The following NAALADL2 variants were observed in gnomAD, a reference collection of about 807,000 sequenced individuals.
NAALADL2 encodes the protein inactive N-acetylated-alpha-linked acidic dipeptidase-like protein 2.
A neutral mutation model predicts 87.2 loss-of-function variants in NAALADL2; 76 were observed. The observed-to-expected ratio is 0.87, with a 90% CI of 0.72 to 1.05. The LOEUF (loss-of-function observed/expected upper bound fraction) is 1.05, where lower values mean the gene tolerates loss of function less well. Among genes scored for constraint, NAALADL2 ranks in the 50% least tolerant of loss-of-function variants. The pLI is 0.00. For synonymous variants in NAALADL2, 354 were observed against 331.0 expected, an observed-to-expected ratio of 1.07 and a Z score of -0.75; for missense variants, 1,089 against 945.8, an observed-to-expected ratio of 1.15 and a Z score of -1.99.
intron 9 of NAALADL2, among the ~76,000 whole-genome samples, chr3:175,548,803 T>G (rs955161742): frequency 1.3e-5 from 2 of 151,984 alleles, no homozygotes; most frequent in African/African-American, 4.8e-5. Context: ...AATTGAAATA[T>G]GAATATACAG....
chr3:175,370,091 T>C lies in NAALADL2; in HGVS notation c.1090+45766T>C, dbSNP rs141251910. 2.7e-3 allele frequency among the ~76,000 whole-genome samples: 418 copies of C among 152,234 alleles called. 2 individuals carry two copies. The highest frequency in any genetic ancestry group is 9.7e-3 in the African/African-American group (403 of 41,520). ...TGCCACTGGACAAAGTAAGCCTTACTACAAAGGATAAAAGAATGATTATTT... is the reference window on the plus strand; with the variant it reads ...TGCCACTGGACAAAGTAAGCCTTACCACAAAGGATAAAAGAATGATTATTT... On this transcript the variant is annotated intron_variant, in intron 5 of 13. Transcript: ENST00000454872.
At chr3:174,487,770 A>G (rs888948170) in intron 1 of NAALADL2, among the ~76,000 whole-genome samples, 6 of 151,694 alleles carry the variant, frequency 4.0e-5, no homozygotes, top group Admixed American at 2.0e-4. Context: ...CTAGAATGGG[A>G]AGCAATGGCT....
intron 2 of NAALADL2, among the ~76,000 whole-genome samples, chr3:175,198,789 T>A (rs1580886114): frequency 1.8e-5 from 1 of 55,902 alleles, no homozygotes; most frequent in Non-Finnish European, 5.3e-5. Flanking sequence ...TAAGGGCAGA[T>A]TTTTTTTTTT....
At chr3:174,775,025 G>C (rs514058) in intron 3 of NAALADL2, among the ~76,000 whole-genome samples, 80,698 of 151,784 alleles carry the variant, frequency 0.53, 21,813 homozygotes, top group Middle Eastern at 0.64. Flanking sequence ...ACATGTCTTC[G>C]CACAGTTCCT....
chr3:175,412,268 C>T (rs1713678560), intron 5 of NAALADL2, among the ~76,000 whole-genome samples: 1 of 152,156 alleles, frequency 6.6e-6, no homozygotes, highest in Non-Finnish European at 1.5e-5. Flanking sequence ...TGTGCACGTG[C>T]ACGCGTATAG....
chr3:174,640,394 G>A (rs899082416), intron 2 of NAALADL2, among the ~76,000 whole-genome samples: 2 of 152,194 alleles, frequency 1.3e-5, no homozygotes, highest in Non-Finnish European at 2.9e-5. Flanking sequence ...CTAATCTCCA[G>A]CTGTCTATGA....
At chr3:175,163,163 T>C (rs1451505640) in intron 2 of NAALADL2, among the ~76,000 whole-genome samples, 2 of 152,088 alleles carry the variant, frequency 1.3e-5, no homozygotes, top group Non-Finnish European at 2.9e-5. Flanking sequence ...TGAAATGAAG[T>C]TGATGTTGCA....
At chr3:175,227,558 T>C (rs917564486) in intron 2 of NAALADL2, among the ~76,000 whole-genome samples, 1 of 152,060 alleles carries the variant, frequency 6.6e-6, no homozygotes, top group African/African-American at 2.4e-5. Flanking sequence ...TATATTGCAG[T>C]TAATTCTTTA....
chr3:174,918,894 G>T (rs1366606725), intron 1 of NAALADL2, among the ~76,000 whole-genome samples: 2 of 151,534 alleles, frequency 1.3e-5, no homozygotes, highest in Non-Finnish European at 2.9e-5. Context: ...ACCCTATCTG[G>T]CAATTTAATA....
At chr3:175,405,748 G>A (rs1163671010) in intron 5 of NAALADL2, among the ~76,000 whole-genome samples, 1 of 152,064 alleles carries the variant, frequency 6.6e-6, no homozygotes, top group Admixed American at 6.6e-5. Flanking sequence ...CAGGCCTTGT[G>A]TTACATTGTT....
chr3:174,726,817 C>T (rs1158327450), intron 2 of NAALADL2, among the ~76,000 whole-genome samples: 8 of 152,064 alleles, frequency 5.3e-5, no homozygotes, highest in African/African-American at 1.2e-4. Context: ...TGTGTTCACG[C>T]GTTTCCACTG....
chr3:175,377,338 A>G (rs548195442), intron 5 of NAALADL2, among the ~76,000 whole-genome samples: 75 of 152,140 alleles, frequency 4.9e-4, no homozygotes, highest in Non-Finnish European at 7.1e-4. Flanking sequence ...AAATCATCAA[A>G]TTTGTTTATA....
At chr3:174,700,359 A>T (rs1729438374) in intron 2 of NAALADL2, among the ~76,000 whole-genome samples, 1 of 152,068 alleles carries the variant, frequency 6.6e-6, no homozygotes, top group South Asian at 2.1e-4. Context: ...TTTATATTTC[A>T]TGTGAAATAT....
chr3:175,588,152 C>G (rs1183749579), intron 10 of NAALADL2, among the ~76,000 whole-genome samples: 1 of 151,798 alleles, frequency 6.6e-6, no homozygotes, highest in African/African-American at 2.4e-5. Context: ...GACAGTAACG[C>G]CTGGTAGGAA....
intron 2 of NAALADL2, among the ~76,000 whole-genome samples, chr3:175,102,217 T>C (rs1206921252): frequency 6.6e-6 from 1 of 152,168 alleles, no homozygotes; most frequent in African/African-American, 2.4e-5. Flanking sequence ...TGTACATAAA[T>C]CCAATTGTGC....
At chr3:175,564,096 A>G (rs892511907) in intron 9 of NAALADL2, among the ~76,000 whole-genome samples, 1 of 152,096 alleles carries the variant, frequency 6.6e-6, no homozygotes, top group African/African-American at 2.4e-5. Context: ...TATGCCATCC[A>G]CATCCTTTTG....
chr3:175,285,366 T>C (rs1754854793), intron 4 of NAALADL2, among the ~76,000 whole-genome samples: 1 of 152,188 alleles, frequency 6.6e-6, no homozygotes, highest in African/African-American at 2.4e-5. Context: ...TTTTGAAATG[T>C]CATCATCAGT....
chr3:175,776,260 A>G (rs922381127), intron 13 of NAALADL2: 3 of 152,060 alleles, frequency 2.0e-5, no homozygotes, highest in Admixed American at 2.0e-4. Context: ...CCTCCATTTG[A>G]CATACCTCCC....
At chr3:174,535,508 G>T (rs1426149561) in intron 1 of NAALADL2, among the ~76,000 whole-genome samples, 1 of 152,106 alleles carries the variant, frequency 6.6e-6, no homozygotes, top group Non-Finnish European at 1.5e-5. Flanking sequence ...CTAAAGCAAA[G>T]CTTTATAATA....
Sources: gnomAD v4.1 joint callset for allele counts (sites outside exome capture counted in the v4.1 genomes callset) on GRCh38, gnomAD v4.1.1 for gene constraint, MANE v1.5 for transcripts, NCBI Gene and HGNC (gene_info 2026-07-23, HGNC 2026-07-21) for gene names.